TMEM168: variants seen among roughly 807,000 people sequenced by gnomAD.
TMEM168 encodes transmembrane protein 168.
In TMEM168, 40 loss-of-function variants were observed where a neutral mutation model predicts 53.2. That is an observed-to-expected ratio of 0.75 (90% CI 0.58 to 0.98). TMEM168 has a LOEUF of 0.98. TMEM168 is among the 50% of genes least tolerant of loss of function. The probability of loss-of-function intolerance (pLI) is 0.00; values close to 1 mark genes in which losing one functional copy is unlikely to be tolerated. For synonymous variants in TMEM168, 282 were observed against 293.0 expected (o/e 0.96, Z 0.38); for missense variants, 771 against 828.8 (o/e 0.93, Z 0.86).
chr7:112,767,852 A>T (rs1348810081), intron 4 of TMEM168, 108 bp from the exon 5 acceptor site: 1 of 965,292 alleles, frequency 1.0e-6, no homozygotes, highest in Non-Finnish European at 1.5e-6. Context: ...TTATACATGT[A>T]TTTTCCTTAA....
intron 2 of TMEM168, among the ~76,000 whole-genome samples, chr7:112,780,943 C>CA (rs1222902089): frequency 0.25 from 15,082 of 59,740 alleles, 1,944 homozygotes; most frequent in African/African-American, 0.3. Context: ...TGATCCGTAT[C>CA]AAAAAAAAAA....
At chr7:112,789,067 A>G (rs1384405036) in intron 1 of TMEM168, among the ~76,000 whole-genome samples, 1 of 152,048 alleles carries the variant, frequency 6.6e-6, no homozygotes, top group Non-Finnish European at 1.5e-5. Context: ...TTCCTCTCAC[A>G]CTTTATTTTC....
rs1793476143 is a variant in TMEM168 at position 112,789,240 on chromosome 7, C to T, written c.-129+920G>A. On this transcript the variant is annotated intron_variant, in intron 1 of 4. Transcript: ENST00000312814. Reference sequence around the variant, plus strand: ...TCTTAAGAGATTATCCCTGCCCCCTCCCCATTACATGACCCCCATACTTTC... The same window carrying T: ...TCTTAAGAGATTATCCCTGCCCCCTTCCCATTACATGACCCCCATACTTTC... 2.0e-5 allele frequency among the ~76,000 whole-genome samples: 3 copies of T among 152,056 alleles called. No individual in the cohort carries two copies. In the South Asian group the frequency reaches 6.2e-4, roughly 32 times the overall value.
At chr7:112,786,955 T>C (rs1162264509) in intron 1 of TMEM168, among the ~76,000 whole-genome samples, 1 of 152,214 alleles carries the variant, frequency 6.6e-6, no homozygotes, top group African/African-American at 2.4e-5. Flanking sequence ...CCTCTACTTA[T>C]ATCTCCGAAT....
chr7:112,784,667 G>A lies in TMEM168; in HGVS notation c.159C>T (p.Tyr53=), dbSNP rs760501116. Residue 53 remains tyrosine, a synonymous_variant, in exon 2 of 5, where the codon TAC becomes TAT. Coordinates refer to ENST00000312814, the MANE Select transcript of TMEM168 (RefSeq NM_022484.6). Reference sequence around the variant, plus strand: ...AATTTGCTGTTTTTTCCCATCTTACGTATAGACCTAAGCATATAGCAACCA... The same window carrying A: ...AATTTGCTGTTTTTTCCCATCTTACATATAGACCTAAGCATATAGCAACCA... ...NLLVAICLGL[Y]VRWEKTANSL... is the part of the protein sequence containing the mutation. 31 of 1,613,492 alleles carry A rather than the reference G, an allele frequency of 1.9e-5. No homozygotes were observed. In the East Asian group the frequency reaches 2.7e-4, roughly 14 times the overall value.
At chr7:112,772,053 A>C (rs1001491461) in intron 4 of TMEM168, among the ~76,000 whole-genome samples, 1 of 152,118 alleles carries the variant, frequency 6.6e-6, no homozygotes, top group Admixed American at 6.6e-5. Context: ...CTCTCTATTA[A>C]TAGTTGGAAA....
chr7:112,789,892 A>G (rs1296392760), intron 1 of TMEM168, among the ~76,000 whole-genome samples: 1 of 152,242 alleles, frequency 6.6e-6, no homozygotes, highest in African/African-American at 2.4e-5. Context: ...GAGGTCCGAC[A>G]AGGAGCTTGG....
In TMEM168 at chr7:112,772,670, A is replaced by T. The variant is rs1227250921; in HGVS notation, c.1546+111T>A. ...AGAAAAACAAATTAGAGTCATATGC[A>T]TAGTTCAGTAAACTAAGAATCCTGG... On this transcript the variant is annotated intron_variant, in intron 4 of 4. Coordinates refer to ENST00000312814, the MANE Select transcript of TMEM168 (RefSeq NM_022484.6). The T allele has an allele frequency of 4.8e-6, 6 of 1,261,094 alleles. No individual in the cohort carries two copies. In the Admixed American group the frequency reaches 1.1e-4, roughly 24 times the overall value. The allele number at this position is 1,261,094 out of a possible 1,614,324, so 78.1% of individuals were successfully genotyped here.
In TMEM168 at chr7:112,783,705, G is replaced by A. The variant is rs576115574; in HGVS notation, c.1121C>T (p.Ser374Phe). Residue 374 changes from serine (S) to phenylalanine (F), a missense_variant, in exon 2 of 5, where the codon TCC becomes TTC. Coordinates refer to ENST00000312814, the MANE Select transcript of TMEM168 (RefSeq NM_022484.6). ...GACAAACAATAAGCTTACCTGCCAG[G>A]AAACTGCTCCCAAAATCGCTGTTGC... is the stretch of plus-strand genomic sequence containing the variant. ...LLATAILGAV[S>F]WQPTNGIFLS... The A allele has an allele frequency of 1.3e-6, 2 of 1,494,516 alleles. No homozygotes were observed. The highest frequency in any genetic ancestry group is 1.4e-5 in the South Asian group (1 of 69,592). 92.6% of individuals were successfully genotyped at this position (1,494,516 alleles called of 1,614,324 possible).
At chr7:112,778,980 T>TC (rs1793161450) in intron 2 of TMEM168, among the ~76,000 whole-genome samples, 2 of 152,096 alleles carry the variant, frequency 1.3e-5, no homozygotes, top group Non-Finnish European at 2.9e-5. Context: ...CCTTGACCTC[T>TC]CAGGCTCATG....
Position 112,767,755 on chromosome 7 carries a change from G to C in TMEM168, c.1547-11C>G, listed in dbSNP as rs1291424960. ...GTAGTGTATCTCCACCTGTGAACAA[G>C]AGAAAATTCAATGGAGCAATAATTT... On this transcript the variant is annotated splice_polypyrimidine_tract_variant and intron_variant, in intron 4 of 4. Transcript: ENST00000312814. 1.3e-6 allele frequency: 2 copies of C among 1,579,962 alleles called. No homozygotes were observed. The highest frequency in any genetic ancestry group is 1.2e-5 in the South Asian group (1 of 85,746).
At chr7:112,771,607 AT>A (rs1726071332) in intron 4 of TMEM168, among the ~76,000 whole-genome samples, 2 of 152,124 alleles carry the variant, frequency 1.3e-5, no homozygotes, top group Admixed American at 1.3e-4. Flanking sequence ...TTTCAAAAAA[AT>A]ATTTCTCCTT....
Position 112,767,061 on chromosome 7 carries a change from A to T in TMEM168, c.*136T>A. On this transcript the variant is annotated 3_prime_UTR_variant, in exon 5 of 5. Coordinates refer to ENST00000312814, the MANE Select transcript of TMEM168 (RefSeq NM_022484.6). ...CGCCTTATATATACCATAATTACTTAAGAAAAGACAAAGTGAGAGCAGCTA... is the reference window on the plus strand; with the variant it reads ...CGCCTTATATATACCATAATTACTTTAGAAAAGACAAAGTGAGAGCAGCTA... The T allele has an allele frequency of 1.1e-6, 1 of 886,314 alleles. No homozygotes were observed. The highest frequency in any genetic ancestry group is 1.7e-6 in the Non-Finnish European group (1 of 597,382). The allele number at this position is 886,314 out of a possible 1,614,324, so 54.9% of individuals were successfully genotyped here. A position where few individuals can be genotyped will look rare whatever the true frequency, so the allele number is the denominator to read the frequency against.
Position 112,784,337 on chromosome 7 carries a change from A to C in TMEM168, c.489T>G (p.Val163=). The C allele has an allele frequency of 6.2e-7, 1 of 1,614,210 alleles. No individual in the cohort carries two copies. Among genetic ancestry groups the C allele is most frequent in the Non-Finnish European group, 8.5e-7 (1 of 1,180,028 alleles). ...LLTTVEFLEL[V]GFAIASTTML... ...TAGTTGTGCTGGCAATGGCAAATCC[A>C]ACAAGCTCCAGAAATTCAACTGTGG... The change falls in exon 2 of 5, where the codon GTT becomes GTG. Residue 163 remains valine, a synonymous_variant. Transcript: ENST00000312814.
chr7:112,767,280 TA>T lies in TMEM168; in HGVS notation c.2010del (p.Phe670LeufsTer4). 6.2e-7 allele frequency: 1 copy of T among 1,614,156 alleles called. No individual in the cohort carries two copies. Among genetic ancestry groups the T allele is most frequent in the Non-Finnish European group, 8.5e-7 (1 of 1,180,006 alleles). On this transcript the variant is annotated frameshift_variant, in exon 5 of 5. Coordinates refer to ENST00000312814, the MANE Select transcript of TMEM168 (RefSeq NM_022484.6). LOFTEE classifies it high-confidence loss of function. ...CTCATTTTTAATCTTTTCAAGCACCTAAAACAAGTTTTGCAGATCCAAAAAA... is the reference window on the plus strand; with the variant it reads ...CTCATTTTTAATCTTTTCAAGCACCTAAACAAGTTTTGCAGATCCAAAAAA... Reference protein sequence around the residue: ...LNLFWICKTCFRCLKRLKMSW... With the variant: ...LNLFWICKTCXRCLKRLKMSW...
chr7:112,767,307 G>T lies in TMEM168; in HGVS notation c.1984C>A (p.Leu662Ile). Residue 662 changes from leucine (L) to isoleucine (I), a missense_variant, in exon 5 of 5, where the codon CTT becomes ATT. Coordinates refer to ENST00000312814, the MANE Select transcript of TMEM168 (RefSeq NM_022484.6). ...AAACAAGTTTTGCAGATCCAAAAAA[G>T]GTTCAGACCGCATAACCAATTTGCC... ...HLANWLCGLN[L>I]FWICKTCFRC... 6.2e-7 allele frequency: 1 copy of T among 1,614,098 alleles called. No individual in the cohort carries two copies. Among genetic ancestry groups the T allele is most frequent in the Non-Finnish European group, 8.5e-7 (1 of 1,179,998 alleles).
At position 112,767,413 on chromosome 7, in the gene TMEM168, A is replaced by G. The variant is rs1289256757; in HGVS notation, c.1878T>C (p.Thr626=). ...CATCGCTTCCCGTTGGCAAATGCAGAGTGTAGTCACTCCACCGTTTTGACA... is the reference window on the plus strand; with the variant it reads ...CATCGCTTCCCGTTGGCAAATGCAGGGTGTAGTCACTCCACCGTTTTGACA... ...YGVSKRWSDY[T]LHLPTGSDVA... Residue 626 remains threonine, a synonymous_variant, in exon 5 of 5, where the codon ACT becomes ACC. Transcript: ENST00000312814. 1 of 1,614,172 alleles carries G rather than the reference A, an allele frequency of 6.2e-7. No individual in the cohort carries two copies. Among genetic ancestry groups the G allele is most frequent in the Non-Finnish European group, 8.5e-7 (1 of 1,180,008 alleles).
intron 1 of TMEM168, among the ~76,000 whole-genome samples, chr7:112,785,274 C>A (rs905781648): frequency 6.6e-6 from 1 of 152,170 alleles, no homozygotes; most frequent in African/African-American, 2.4e-5. Flanking sequence ...GAAATGTTCG[C>A]TTTAGCTTAG....
chr7:112,788,358 A>G (rs778940409), intron 1 of TMEM168: 1 of 152,240 alleles, frequency 6.6e-6, no homozygotes, highest in Non-Finnish European at 1.5e-5. Context: ...TGCACTGTTA[A>G]CAGAGGTAAA....
Sources: gnomAD v4.1 joint callset for allele counts (sites outside exome capture counted in the v4.1 genomes callset) on GRCh38, gnomAD v4.1.1 for gene constraint, MANE v1.5 for transcripts, NCBI Gene and HGNC (gene_info 2026-07-23, HGNC 2026-07-21) for gene names.